SYNE2: variants seen among roughly 807,000 people sequenced by gnomAD.
SYNE2 encodes spectrin repeat containing nuclear envelope protein 2.
SYNE2 carries 431 observed loss-of-function variants against 856.3 expected under a neutral mutation model. The ratio of observed to expected loss-of-function variants is 0.50; its 90% CI spans 0.47 to 0.55. The LOEUF (loss-of-function observed/expected upper bound fraction) is 0.55, where lower values mean the gene tolerates loss of function less well. SYNE2 is among the 20% of genes least tolerant of loss of function. The pLI is 0.00. For synonymous variants in SYNE2, 2,923 were observed against 2,872.3 expected, an observed-to-expected ratio of 1.02 and a Z score of -0.56; for missense variants, 8,129 against 8,023.2, an observed-to-expected ratio of 1.01 and a Z score of -0.50.
intron 1 of SYNE2, among the ~76,000 whole-genome samples, chr14:63,795,612 A>G (rs1887891777): frequency 1.3e-5 from 2 of 152,152 alleles, no homozygotes; most frequent in African/African-American, 4.8e-5. Flanking sequence ...GGGTGGTCTC[A>G]AACTCCTGGA....
At chr14:64,213,062 C>T in intron 105 of SYNE2, 57 bp downstream of exon 105, 1 of 1,584,618 alleles carries the variant, frequency 6.3e-7, no homozygotes, top group Non-Finnish European at 8.6e-7. Context: ...TACGTGAGAC[C>T]AAATTTTTAA....
chr14:64,033,966 T>G (rs1457556371), intron 45 of SYNE2, among the ~76,000 whole-genome samples: 1 of 152,228 alleles, frequency 6.6e-6, no homozygotes, highest in African/African-American at 2.4e-5. Context: ...TTATTTTCTC[T>G]GAGTACTGGC....
At chr14:64,038,130 C>T (rs1230025501) in intron 45 of SYNE2, among the ~76,000 whole-genome samples, 11 of 151,810 alleles carry the variant, frequency 7.2e-5, no homozygotes, top group South Asian at 2.1e-4. Context: ...GACGGGGTCC[C>T]GGCCGGGCAG....
chr14:64,163,892 G>C (rs2153718536), intron 89 of SYNE2, among the ~76,000 whole-genome samples: 1 of 152,220 alleles, frequency 6.6e-6, no homozygotes, highest in South Asian at 2.1e-4. Flanking sequence ...CTTAAAGCAT[G>C]ATGATTTGTC....
chr14:64,064,853 C>CT lies in SYNE2; in HGVS notation c.10213-561dup, dbSNP rs34550127. On this transcript the variant is annotated intron_variant, in intron 50 of 115. Coordinates refer to ENST00000555002, the MANE Select transcript of SYNE2 (RefSeq NM_182914.3). ...GCCACTGTGCCCAGCCACTTATAGA[C>CT]TTTTTTTTTTTTTTTTTTATACGGA... Among the ~76,000 whole-genome samples the CT allele has an allele frequency of 1.2e-3, 152 of 123,676 alleles. 3 individuals are homozygous for CT. The South Asian group carries it at 0.024, about 20-fold the overall frequency. The allele number at this position is 123,676 out of a possible 152,430, so 81.1% of individuals were successfully genotyped here.
intron 1 of SYNE2, among the ~76,000 whole-genome samples, chr14:63,896,082 T>C (rs1334967098): frequency 6.6e-6 from 1 of 152,208 alleles, no homozygotes; most frequent in Non-Finnish European, 1.5e-5. Context: ...AAGTCATTTG[T>C]AGTTGCTAGA....
At chr14:63,827,131 A>C (rs1405565179) in intron 1 of SYNE2, among the ~76,000 whole-genome samples, 1 of 151,668 alleles carries the variant, frequency 6.6e-6, no homozygotes, top group Non-Finnish European at 1.5e-5. Context: ...TACAAAAATT[A>C]GCTGGGCATG....
chr14:64,025,129 G>T lies in SYNE2; in HGVS notation c.5961-1G>T. 1 of 1,614,028 alleles carries T rather than the reference G, an allele frequency of 6.2e-7. No homozygotes were observed. Among genetic ancestry groups the T allele is most frequent in the Non-Finnish European group, 8.5e-7 (1 of 1,179,974 alleles). ...CTTTAAGTGGTATTTGGAATTTACA[G>T]GGAACAGTTTGAATCTGTGGCCCAA... On this transcript the variant is annotated splice_acceptor_variant, in intron 40 of 115. Transcript: ENST00000555002. LOFTEE classifies it high-confidence loss of function.
chr14:63,801,737 A>G (rs1888139361), intron 1 of SYNE2, among the ~76,000 whole-genome samples: 1 of 152,056 alleles, frequency 6.6e-6, no homozygotes, highest in East Asian at 1.9e-4. Context: ...AATTCTATTT[A>G]AAATTTAGGT....
intron 45 of SYNE2, among the ~76,000 whole-genome samples, chr14:64,044,478 G>T (rs1739523661): frequency 6.6e-6 from 1 of 152,016 alleles, no homozygotes; most frequent in Admixed American, 6.6e-5. Flanking sequence ...ATTGAAATGG[G>T]TTAATATTTT....
At position 64,212,829 on chromosome 14, in the gene SYNE2, A is replaced by T. The variant is rs2098648330; in HGVS notation, c.18880A>T (p.Thr6294Ser). The T allele has an allele frequency of 1.9e-6, 3 of 1,614,244 alleles. No individual in the cohort carries two copies. The highest frequency in any genetic ancestry group is 1.6e-4 in the Middle Eastern group (1 of 6,062). Residue 6294 changes from threonine (T) to serine (S), a missense_variant, in exon 105 of 116, where the codon ACA (threonine) becomes TCA (serine). Thr to Ser is a moderately conservative substitution (Grantham distance 58). Around this residue, in one of 3 missense-constraint regions of SYNE2, gnomAD observed 5,410 missense variants for 5,284.8 expected, o/e 1.02. Coordinates refer to ENST00000555002, the MANE Select transcript of SYNE2 (RefSeq NM_182914.3). ...TCAACAGGGCTTCCAACAGGAAATT[A>T]CATTAAATACCAACAAGATTGATCA... The part of the protein sequence containing the change: ...RQLNGFQQEI[T>S]LNTNKIDQLI...
chr14:64,158,586 G>A (rs1447684399), intron 85 of SYNE2, 39 bp from the exon 86 acceptor site: 2 of 1,608,464 alleles, frequency 1.2e-6, no homozygotes, highest in Admixed American at 1.7e-5. Context: ...TGTCTTCTCA[G>A]TGATTTTCTA....
At chr14:63,984,922 C>T (rs995315238) in intron 18 of SYNE2, among the ~76,000 whole-genome samples, 2 of 152,220 alleles carry the variant, frequency 1.3e-5, no homozygotes, top group Non-Finnish European at 2.9e-5. Context: ...CTTTGGGAGG[C>T]TGAGGCAAGA....
chr14:63,801,733 A>G (rs1888139268), intron 1 of SYNE2, among the ~76,000 whole-genome samples: 1 of 152,066 alleles, frequency 6.6e-6, no homozygotes, highest in Non-Finnish European at 1.5e-5. Context: ...GGATAATTCT[A>G]TTTAAAATTT....
At position 63,934,700 on chromosome 14, in the gene SYNE2, C is replaced by T. The variant is rs78530383; in HGVS notation, c.80-5914C>T. Among the ~76,000 whole-genome samples, 156 of 152,164 alleles carry T rather than the reference C, an allele frequency of 1.0e-3. 2 individuals are homozygous for T. The East Asian group carries it at 0.014, about 14-fold the overall frequency. The stretch of plus-strand genomic sequence containing the variant: ...GTTGAGTTGTGCTCCTCCTTCCTGC[C>T]ATAACTCCCCTCAAGTCAGTGCATA... On this transcript the variant is annotated intron_variant, in intron 2 of 115. Transcript: ENST00000555002.
At chr14:64,092,955 C>CT (rs985712384) in intron 60 of SYNE2, among the ~76,000 whole-genome samples, 14 of 149,780 alleles carry the variant, frequency 9.3e-5, no homozygotes, top group Admixed American at 5.3e-4. Flanking sequence ...GCGGAAAGCC[C>CT]CCCCGCTCCC....
intron 10 of SYNE2, among the ~76,000 whole-genome samples, chr14:63,964,780 T>G (rs985744617): frequency 2.6e-5 from 4 of 152,034 alleles, no homozygotes; most frequent in Admixed American, 2.6e-4. Context: ...TGCCTCGGCC[T>G]CCCAAAGTGC....
chr14:63,976,666 C>T lies in SYNE2; in HGVS notation c.1232C>T (p.Ser411Leu), dbSNP rs1161277135. Reference sequence around the variant, plus strand: ...GAAGAGCTTATGGATGAAGATTTGTCAGCCTCCCAGGATCACTCTCAAGCC... The same window carrying T: ...GAAGAGCTTATGGATGAAGATTTGTTAGCCTCCCAGGATCACTCTCAAGCC... ...EVEELMDEDL[S>L]ASQDHSQAVT... Residue 411 changes from serine to leucine, a missense_variant, in exon 12 of 116, where the codon TCA becomes TTA. Coordinates refer to ENST00000555002, the MANE Select transcript of SYNE2 (RefSeq NM_182914.3). 5.0e-6 allele frequency: 8 copies of T among 1,609,820 alleles called. No homozygotes were observed. Among genetic ancestry groups the T allele is most frequent in the Non-Finnish European group, 5.9e-6 (7 of 1,179,456 alleles).
intron 8 of SYNE2, chr14:63,956,300 A>G: frequency 2.4e-6 from 1 of 422,084 alleles, no homozygotes; most frequent in Admixed American, 2.5e-5. Context: ...CCTCAGGAGC[A>G]TATAGTTAAT....
Sources: allele counts gnomAD v4.1 joint callset (sites outside exome capture counted in the v4.1 genomes callset), GRCh38; gene constraint gnomAD v4.1.1; regional missense constraint gnomAD v4.1.1; transcripts MANE v1.5; gene names NCBI Gene and HGNC (gene_info 2026-07-23, HGNC 2026-07-21).